The following UBE3D variants were observed in gnomAD, a reference collection of about 807,000 sequenced individuals.
UBE3D encodes ubiquitin protein ligase E3D.
A neutral mutation model predicts 49.6 loss-of-function variants in UBE3D; 48 were observed. That is an observed-to-expected ratio of 0.97 (90% CI 0.77 to 1.23). The LOEUF is 1.23. Ranked by LOEUF, UBE3D falls within the 50% of genes most tolerant of loss-of-function variation. The probability of loss-of-function intolerance (pLI) is 0.00; values close to 1 mark genes in which losing one functional copy is unlikely to be tolerated. For missense variants in UBE3D, 452 were observed against 468.4 expected (o/e 0.96, Z 0.32); for synonymous variants, 189 against 174.2 (o/e 1.08, Z -0.67).
chr6:83,017,966 T>C (rs1206718998), intron 8 of UBE3D: 7 of 151,602 alleles, frequency 4.6e-5, no homozygotes, highest in Admixed American at 4.6e-4. Context: ...GTGTAAAAAA[T>C]ACACATGTTT....
At chr6:83,008,658 A>T (rs1175756083) in intron 8 of UBE3D, among the ~76,000 whole-genome samples, 1 of 152,196 alleles carries the variant, frequency 6.6e-6, no homozygotes, top group Non-Finnish European at 1.5e-5. Context: ...CTTTTAGACT[A>T]CCATCTGGCA....
At chr6:82,945,901 A>C (rs1775367313) in intron 9 of UBE3D, among the ~76,000 whole-genome samples, 1 of 152,234 alleles carries the variant, frequency 6.6e-6, no homozygotes, top group Non-Finnish European at 1.5e-5. Context: ...GAGTCTCTTA[A>C]TAGGAGAATT....
chr6:83,018,698 G>A (rs1291329101), intron 8 of UBE3D: 1 of 348,084 alleles, frequency 2.9e-6, no homozygotes, highest in Non-Finnish European at 5.2e-6. Context: ...CATCACTGTT[G>A]AAGTCTGATT....
At chr6:82,948,071 G>A (rs890255623) in intron 9 of UBE3D, among the ~76,000 whole-genome samples, 10 of 151,640 alleles carry the variant, frequency 6.6e-5, no homozygotes, top group Non-Finnish European at 1.0e-4. Context: ...ATAAAAGATC[G>A]ATGAAACAAA....
chr6:83,007,321 G>C (rs1024138408), intron 8 of UBE3D, among the ~76,000 whole-genome samples: 5 of 152,008 alleles, frequency 3.3e-5, no homozygotes, highest in African/African-American at 1.2e-4. Context: ...TCCTAAGTTA[G>C]ATATTTTATC....
chr6:82,887,790 C>G (rs1462071045), downstream of UBE3D, among the ~76,000 whole-genome samples: 1 of 152,020 alleles, frequency 6.6e-6, no homozygotes, highest in East Asian at 1.9e-4. Context: ...GAACTTAAAA[C>G]TAATGATGAC....
intron 8 of UBE3D, among the ~76,000 whole-genome samples, chr6:82,981,453 A>G (rs887035275): frequency 1.3e-5 from 2 of 152,090 alleles, no homozygotes; most frequent in Non-Finnish European, 2.9e-5. Context: ...AATGCAAAGC[A>G]TATGGCAACT....
At chr6:82,978,714 C>T (rs1477226713) in intron 8 of UBE3D, among the ~76,000 whole-genome samples, 2 of 152,164 alleles carry the variant, frequency 1.3e-5, no homozygotes, top group Non-Finnish European at 2.9e-5. Context: ...AAATGAAAGA[C>T]ACTGTTCAAA....
intron 8 of UBE3D, among the ~76,000 whole-genome samples, chr6:83,008,044 T>C (rs1321618568): frequency 1.3e-5 from 2 of 152,160 alleles, no homozygotes; most frequent in African/African-American, 4.8e-5. Context: ...AAATCGTGGG[T>C]TATATAACAC....
intron 8 of UBE3D, among the ~76,000 whole-genome samples, chr6:82,976,915 C>T (rs1212861987): frequency 2.6e-5 from 4 of 151,856 alleles, no homozygotes; most frequent in Admixed American, 2.6e-4. Flanking sequence ...GAGATTGAGA[C>T]CATCCTGGCT....
At chr6:83,053,136 T>C (rs1296701666) in intron 3 of UBE3D, among the ~76,000 whole-genome samples, 5 of 115,612 alleles carry the variant, frequency 4.3e-5, no homozygotes, top group African/African-American at 1.6e-4. Context: ...TTGGCAATTT[T>C]TTAAAAACTC....
At chr6:82,888,072 C>CT (rs112623774), downstream of UBE3D, among the ~76,000 whole-genome samples, 14 of 151,248 alleles carry the variant, frequency 9.3e-5, no homozygotes, top group South Asian at 2.1e-4. Flanking sequence ...AAGATTCCAC[C>CT]TTTTTTTTTG....
intron 8 of UBE3D, among the ~76,000 whole-genome samples, chr6:82,996,727 GA>G (rs1257966399): frequency 6.6e-6 from 1 of 152,080 alleles, no homozygotes; most frequent in African/African-American, 2.4e-5. Flanking sequence ...CTAATCATGA[GA>G]AAAACATCAG....
intron 8 of UBE3D, among the ~76,000 whole-genome samples, chr6:82,998,528 A>G (rs1779400826): frequency 6.6e-6 from 1 of 152,214 alleles, no homozygotes; most frequent in African/African-American, 2.4e-5. Flanking sequence ...GAAAATCTGG[A>G]AGGAAATTTA....
chr6:82,931,424 C>T (rs1774142412), intron 9 of UBE3D, among the ~76,000 whole-genome samples: 3 of 152,200 alleles, frequency 2.0e-5, no homozygotes, highest in African/African-American at 7.2e-5. Flanking sequence ...TGACAGCTTG[C>T]ACTGTGCACC....
intron 9 of UBE3D, among the ~76,000 whole-genome samples, chr6:82,923,538 A>C (rs1773515916): frequency 6.6e-6 from 1 of 152,168 alleles, no homozygotes; most frequent in East Asian, 1.9e-4. Flanking sequence ...AGAGGGGAAC[A>C]TCACACACCA....
intron 8 of UBE3D, among the ~76,000 whole-genome samples, chr6:83,007,496 C>T (rs1780056918): frequency 6.6e-6 from 1 of 152,130 alleles, no homozygotes; most frequent in Non-Finnish European, 1.5e-5. Flanking sequence ...AAACAAGGAG[C>T]TTGATAACTA....
At chr6:83,024,755 T>C (rs186811139) in intron 5 of UBE3D, among the ~76,000 whole-genome samples, 45 of 152,312 alleles carry the variant, frequency 3.0e-4, no homozygotes, top group Admixed American at 2.0e-3. Context: ...GGTGTGATTA[T>C]TTCCTTTTCC....
intron 4 of UBE3D, among the ~76,000 whole-genome samples, chr6:83,043,180 CAG>C (rs1288109164): frequency 3.9e-5 from 6 of 152,196 alleles, no homozygotes; most frequent in Admixed American, 2.0e-4. Flanking sequence ...TATTTCAGCA[CAG>C]AGTGCTGAGT....
Sources: allele counts gnomAD v4.1 joint callset (sites outside exome capture counted in the v4.1 genomes callset), GRCh38; gene constraint gnomAD v4.1.1; transcripts MANE v1.5; gene names NCBI Gene and HGNC (gene_info 2026-07-23, HGNC 2026-07-21).